ADA: variants seen among roughly 807,000 people sequenced by gnomAD.
ADA encodes the protein adenosine aminohydrolase.
A neutral mutation model predicts 49.0 loss-of-function variants in ADA; 45 were observed. The observed-to-expected ratio is 0.92, with a 90% confidence interval of 0.72 to 1.18. ADA has a LOEUF of 1.18. Ranked by LOEUF, ADA falls within the 50% of genes most tolerant of loss-of-function variation. The pLI, the probability that ADA is intolerant of heterozygous loss-of-function variation, is 0.00. For missense variants in ADA, 445 were observed against 472.5 expected, an observed-to-expected ratio of 0.94 and a Z score of 0.54; for synonymous variants, 173 against 184.2, an observed-to-expected ratio of 0.94 and a Z score of 0.49.
At chr20:44,624,525 C>T (rs531434297) in intron 5 of ADA, among the ~76,000 whole-genome samples, 196 bp from the exon 6 acceptor site, 2 of 152,340 alleles carry the variant, frequency 1.3e-5, no homozygotes, top group East Asian at 3.9e-4. Context: ...CAGTTTCCGC[C>T]CTTTTCAGAA....
intron 2 of ADA, among the ~76,000 whole-genome samples, chr20:44,635,623 G>T (rs2065472616): frequency 6.6e-6 from 1 of 152,176 alleles, no homozygotes; most frequent in Non-Finnish European, 1.5e-5. Context: ...CAGGAGCCAG[G>T]CACAGTGGCT....
Position 44,651,676 on chromosome 20 carries a change from C to G in ADA, c.-69G>C. On this transcript the variant is annotated 5_prime_UTR_variant, in exon 1 of 12. Coordinates refer to ENST00000372874, the MANE Select transcript of ADA (RefSeq NM_000022.4). ...GGTGGGTCTCTGCCGGCTCGGTGGC[C>G]GCTCGGCTTTCCCTGGGGCCAGCGG... 6.9e-7 allele frequency: 1 copy of G among 1,443,828 alleles called. No homozygotes were observed. The highest frequency in any genetic ancestry group is 9.1e-7 in the Non-Finnish European group (1 of 1,103,194). 89.4% of individuals were successfully genotyped at this position (1,443,828 alleles called of 1,614,324 possible). A position where few individuals can be genotyped will look rare whatever the true frequency, so the allele number is the denominator to read the frequency against.
intron 1 of ADA, among the ~76,000 whole-genome samples, chr20:44,641,357 A>C (rs1370948187): frequency 1.3e-5 from 2 of 152,166 alleles, no homozygotes; most frequent in Non-Finnish European, 2.9e-5. Context: ...TGAGGGTAGA[A>C]TCCACATGGG....
At position 44,626,512 on chromosome 20, in the gene ADA, G is replaced by A. The variant is rs149520391; in HGVS notation, c.306C>T (p.Tyr102=). 1 of 1,614,110 alleles carries A rather than the reference G, an allele frequency of 6.2e-7. No individual in the cohort carries two copies. Among genetic ancestry groups the A allele is most frequent in the East Asian group, 2.2e-5 (1 of 44,882 alleles). ...TGGAGTTGGCCAGCAGGTGCGGACT[G>A]TACCGCACCTCCACATACACCACGC... ...KEGVVYVEVR[Y]SPHLLANSKV... Residue 102 remains tyrosine, a synonymous_variant, in exon 4 of 12, where the codon TAC becomes TAT. Coordinates refer to ENST00000372874, the MANE Select transcript of ADA (RefSeq NM_000022.4).
At chr20:44,629,284 G>A in intron 2 of ADA, 115 bp from the exon 3 acceptor site, 1 of 1,465,576 alleles carries the variant, frequency 6.8e-7, no homozygotes. Flanking sequence ...CACAGCAGGA[G>A]ACATGGGCGT....
chr20:44,651,466 G>A (rs1228717212), intron 1 of ADA, 109 bp downstream of exon 1: 3 of 1,104,342 alleles, frequency 2.7e-6, no homozygotes, highest in Non-Finnish European at 2.6e-6. Flanking sequence ...TCGCCTGCAG[G>A]AGCCCCCGTT....
rs6031678 is a variant in ADA, at chr20:44,620,950, C to T, written c.975+68G>A. 114,298 of 1,603,554 alleles carry T rather than the reference C, an allele frequency of 0.071. 4,654 individuals are homozygous for T. Among genetic ancestry groups the T allele is most frequent in the South Asian group, 0.16 (14,235 of 90,612 alleles). ...CCCTCTCTCCAAAGATTCCAGGCCC[C>T]GGACTGGACCTGTAGATACCATACT... is the stretch of plus-strand genomic sequence containing the variant. On this transcript the variant is annotated intron_variant, in intron 10 of 11. Transcript: ENST00000372874.
intron 2 of ADA, among the ~76,000 whole-genome samples, chr20:44,635,320 C>T (rs992820071): frequency 2.0e-5 from 3 of 152,108 alleles, no homozygotes; most frequent in South Asian, 4.1e-4. Flanking sequence ...GCCACTTTTC[C>T]GTGACTCCTA....
intron 1 of ADA, among the ~76,000 whole-genome samples, chr20:44,646,027 T>TC (rs890474134): frequency 5.3e-4 from 81 of 152,158 alleles, no homozygotes; most frequent in African/African-American, 1.9e-3. Context: ...CACAGCCTGC[T>TC]CCTCTCCACC....
Position 44,621,126 on chromosome 20 carries a change from G to C in ADA, c.867C>G (p.Asn289Lys). 3 of 1,614,202 alleles carry C rather than the reference G, an allele frequency of 1.9e-6. No individual in the cohort carries two copies. The East Asian group carries it at 6.7e-5, about 36-fold the overall frequency. ...GCGGGTCATCTGTGTTGAGCGAGTA[G>C]TTAGCCTGGTCATTTTTGAGCCTGC... is the stretch of plus-strand genomic sequence containing the variant. ...AVIRLKNDQA[N>K]YSLNTDDPLI... The change falls in exon 10 of 12, where the codon AAC becomes AAG. Residue 289 changes from asparagine (N) to lysine (K), a missense_variant. Transcript: ENST00000372874.
rs779676480 is a variant in ADA at position 44,623,085 on chromosome 20, G to C, written c.607-7C>G. ...TGCCGCTCTTCACAGCCTCCTGGAA[G>C]GGGGAGAGCCAGGTCATGGGTGCCC... On this transcript the variant is annotated splice_polypyrimidine_tract_variant and splice_region_variant and intron_variant, in intron 6 of 11. Transcript: ENST00000372874. 6 of 1,613,992 alleles carry C rather than the reference G, an allele frequency of 3.7e-6. No homozygotes were observed. The highest frequency in any genetic ancestry group is 5.1e-6 in the Non-Finnish European group (6 of 1,179,986).
chr20:44,642,878 A>G (rs2065550580), intron 1 of ADA, among the ~76,000 whole-genome samples: 1 of 152,142 alleles, frequency 6.6e-6, no homozygotes, highest in East Asian at 1.9e-4. Context: ...GGGTTCAGGG[A>G]GCTGGGCAGG....
Position 44,622,924 on chromosome 20 carries a change from C to G in ADA, c.685G>C (p.Asp229His), listed in dbSNP as rs768596356. ...CCCAGCCGCTCTGTCTTGAGTATGT[C>G]CACAGCCTGTAGAGAAGCAGAATAG... ...GSAEVVKEAVDILKTERLGHG... is the reference protein window; with the variant it reads ...GSAEVVKEAVHILKTERLGHG... The change falls in exon 8 of 12, where the codon GAC becomes CAC. Residue 229 changes from aspartate to histidine, a missense_variant. Transcript: ENST00000372874. The G allele has an allele frequency of 1.2e-6, 2 of 1,614,236 alleles. No homozygotes were observed. Among genetic ancestry groups the G allele is most frequent in the Non-Finnish European group, 1.7e-6 (2 of 1,180,042 alleles).
intron 11 of ADA, 104 bp downstream of exon 11, chr20:44,620,195 A>G: frequency 1.9e-6 from 2 of 1,035,156 alleles, no homozygotes; most frequent in South Asian, 1.3e-5. Context: ...TCACACATTC[A>G]TGGCGCTGCC....
chr20:44,622,930 C>T lies in ADA; in HGVS notation c.679G>A (p.Ala227Thr), dbSNP rs2065346775. Residue 227 changes from alanine (A) to threonine (T), a missense_variant and splice_region_variant, in exon 8 of 12, where the codon GCT becomes ACT. By Grantham distance (58) the Ala-to-Thr change is moderately conservative (BLOSUM62 0). Coordinates refer to ENST00000372874, the MANE Select transcript of ADA (RefSeq NM_000022.4). ...EVGSAEVVKE[A>T]VDILKTERLG... ...CGCTCTGTCTTGAGTATGTCCACAG[C>T]CTGTAGAGAAGCAGAATAGAGCCAA... 6.2e-7 allele frequency: 1 copy of T among 1,614,114 alleles called. No individual in the cohort carries two copies. The highest frequency in any genetic ancestry group is 8.5e-7 in the Non-Finnish European group (1 of 1,180,052).
At chr20:44,634,127 C>G (rs1166918521) in intron 2 of ADA, among the ~76,000 whole-genome samples, 6 of 152,204 alleles carry the variant, frequency 3.9e-5, no homozygotes, top group South Asian at 4.1e-4. Flanking sequence ...ACCCGGCGCT[C>G]CCAGCCCCTG....
At chr20:44,622,500 G>T in intron 9 of ADA, 88 bp downstream of exon 9, 1 of 1,481,064 alleles carries the variant, frequency 6.8e-7, no homozygotes, top group Admixed American at 1.7e-5. Context: ...AAAAGACGCG[G>T]CATGGGCTGA....
intron 1 of ADA, among the ~76,000 whole-genome samples, chr20:44,639,169 G>A (rs947556980): frequency 5.9e-5 from 9 of 152,174 alleles, no homozygotes; most frequent in African/African-American, 1.9e-4. Flanking sequence ...GGCTACTGCA[G>A]CCATTTGAAA....
In ADA at chr20:44,620,398, T is replaced by A; in HGVS notation, c.979A>T (p.Ile327Phe). ...FTEEEFKRLN[I>F]NAAKSSFLPE... ...AGGAAACTAGATTTGGCCGCATTGA[T>A]GTTCTGGAAAGGCCAGAATGGCAGA... Residue 327 changes from isoleucine to phenylalanine, a missense_variant, in exon 11 of 12, where the codon ATC becomes TTC. By Grantham distance (21) the Ile-to-Phe change is conservative. Coordinates refer to ENST00000372874, the MANE Select transcript of ADA (RefSeq NM_000022.4). 1 of 1,614,106 alleles carries A rather than the reference T, an allele frequency of 6.2e-7. No homozygotes were observed. Among genetic ancestry groups the A allele is most frequent in the South Asian group, 1.1e-5 (1 of 91,086 alleles).
Sources: gnomAD v4.1 joint callset for allele counts (sites outside exome capture counted in the v4.1 genomes callset) on GRCh38, gnomAD v4.1.1 for gene constraint, MANE v1.5 for transcripts, NCBI Gene and HGNC (gene_info 2026-07-23, HGNC 2026-07-21) for gene names.